The following EPHA3 variants were observed in gnomAD, a reference collection of about 807,000 sequenced individuals.
The protein encoded by EPHA3 is EPH receptor A3, also known as ephrin type-A receptor 3.
A neutral mutation model predicts 107.1 loss-of-function variants in EPHA3; 42 were observed. The ratio of observed to expected loss-of-function variants is 0.39; its 90% confidence interval spans 0.31 to 0.51. The LOEUF (loss-of-function observed/expected upper bound fraction) is 0.51. Among genes scored for constraint, EPHA3 ranks in the 20% least tolerant of loss-of-function variants. EPHA3 has a pLI of 0.78. For synonymous variants in EPHA3, 461 were observed against 424.8 expected (o/e 1.09, Z -1.05); for missense variants, 1,183 against 1,211.2 (o/e 0.98, Z 0.35).
In EPHA3 at chr3:89,396,060, G is replaced by A. The variant is rs1002779887; in HGVS notation, c.1431+99G>A. The stretch of plus-strand genomic sequence containing the variant: ...GAAACCAGTGACATTCCTGGTAAAT[G>A]GTAGAGCACTGTTTAGAACTGTGGC... On this transcript the variant is annotated intron_variant, in intron 6 of 16. Coordinates refer to ENST00000336596, the MANE Select transcript of EPHA3 (RefSeq NM_005233.6). The A allele has an allele frequency of 2.0e-6, 3 of 1,504,748 alleles. No individual in the cohort carries two copies. The African/African-American group carries it at 4.2e-5, about 21-fold the overall frequency. The allele number at this position is 1,504,748 out of a possible 1,614,324, so 93.2% of individuals were successfully genotyped here.
intron 5 of EPHA3, among the ~76,000 whole-genome samples, chr3:89,393,790 T>TA (rs1399975184): frequency 2.1e-4 from 30 of 143,978 alleles, no homozygotes; most frequent in African/African-American, 6.3e-4. Flanking sequence ...AATTTTTTTT[T>TA]AAAAAATCCA....
At chr3:89,127,162 A>G (rs1368096565) in intron 1 of EPHA3, 47 bp from the exon 2 acceptor site, 2 of 1,446,274 alleles carry the variant, frequency 1.4e-6, no homozygotes, top group Non-Finnish European at 9.7e-7. Flanking sequence ...GCAAATAGAA[A>G]TAATTCACTG....
At chr3:89,201,231 T>C (rs998156951) in intron 2 of EPHA3, among the ~76,000 whole-genome samples, 14 of 151,978 alleles carry the variant, frequency 9.2e-5, no homozygotes, top group African/African-American at 3.1e-4. Flanking sequence ...GCAGATCTCA[T>C]GAGAACTCCC....
chr3:89,197,622 G>T lies in EPHA3; in HGVS notation c.154-12238G>T, dbSNP rs577919714. Reference sequence around the variant, plus strand: ...TAAAGTGTGGAATACTATTGGCAAAGATTTTATTCCAGTTTAGAAGGGCAA... The same window carrying T: ...TAAAGTGTGGAATACTATTGGCAAATATTTTATTCCAGTTTAGAAGGGCAA... On this transcript the variant is annotated intron_variant, in intron 2 of 16. Coordinates refer to ENST00000336596, the MANE Select transcript of EPHA3 (RefSeq NM_005233.6). Among the ~76,000 whole-genome samples the T allele has an allele frequency of 3.9e-5, 6 of 152,216 alleles. No individual in the cohort carries two copies. The East Asian group carries it at 5.8e-4, about 15-fold the overall frequency.
At chr3:89,428,690 ATG>A (rs1405356344) in intron 11 of EPHA3, among the ~76,000 whole-genome samples, 1 of 152,148 alleles carries the variant, frequency 6.6e-6, no homozygotes, top group Non-Finnish European at 1.5e-5. Context: ...ACACGTATAT[ATG>A]TGTGTGTGCA....
At chr3:89,159,766 C>T (rs1165895653) in intron 2 of EPHA3, among the ~76,000 whole-genome samples, 1 of 152,008 alleles carries the variant, frequency 6.6e-6, no homozygotes, top group Non-Finnish European at 1.5e-5. Flanking sequence ...TTTATTATTA[C>T]ATTGTAGTAT....
At chr3:89,171,055 G>T (rs3923215) in intron 2 of EPHA3, among the ~76,000 whole-genome samples, 86,692 of 151,448 alleles carry the variant, frequency 0.57, 25,100 homozygotes, top group Admixed American at 0.66. Context: ...CACATTATGG[G>T]CATGCATTTT....
In EPHA3 at chr3:89,210,461, T is replaced by C. The variant is rs1229614068; in HGVS notation, c.755T>C (p.Val252Ala). The C allele has an allele frequency of 6.3e-7, 1 of 1,596,000 alleles. No individual in the cohort carries two copies. The highest frequency in any genetic ancestry group is 2.2e-5 in the East Asian group (1 of 44,804). Residue 252 changes from valine (V) to alanine (A), a missense_variant, in exon 3 of 17, where the codon GTA (valine) becomes GCA (alanine). By Grantham distance (64) the Val-to-Ala change is moderately conservative (BLOSUM62 0). Transcript: ENST00000336596. ...MYCSTEGEWL[V>A]PIGKCSCNAG... ...TGCAGTACAGAAGGCGAATGGCTTGTACCCATTGGCAAGTGTTCCTGCAAT... is the reference window on the plus strand; with the variant it reads ...TGCAGTACAGAAGGCGAATGGCTTGCACCCATTGGCAAGTGTTCCTGCAAT...
intron 13 of EPHA3, among the ~76,000 whole-genome samples, chr3:89,443,418 A>G (rs554243241): frequency 5.9e-5 from 9 of 152,334 alleles, no homozygotes; most frequent in African/African-American, 2.2e-4. Context: ...TAACAACACT[A>G]TTAAATAGTA....
chr3:89,368,957 A>G (rs1708238691), intron 5 of EPHA3, among the ~76,000 whole-genome samples: 1 of 150,726 alleles, frequency 6.6e-6, no homozygotes, highest in African/African-American at 2.4e-5. Context: ...TGAGGCAAGG[A>G]TGTGAAGTAA....
chr3:89,447,221 G>A (rs553710500), intron 13 of EPHA3, among the ~76,000 whole-genome samples: 2 of 152,228 alleles, frequency 1.3e-5, no homozygotes, highest in African/African-American at 4.8e-5. Context: ...TCTTTTCTCT[G>A]GCTCCGGTCT....
chr3:89,458,485 A>C (rs2107563354), intron 15 of EPHA3, among the ~76,000 whole-genome samples: 1 of 152,318 alleles, frequency 6.6e-6, no homozygotes, highest in African/African-American at 2.4e-5. Flanking sequence ...CTGAGGGAAT[A>C]GACTTCCAGT....
At chr3:89,380,851 C>T (rs1196067777) in intron 5 of EPHA3, among the ~76,000 whole-genome samples, 2 of 151,704 alleles carry the variant, frequency 1.3e-5, no homozygotes, top group Non-Finnish European at 2.9e-5. Flanking sequence ...TCACCGCAAC[C>T]TCCGCCTCCT....
At chr3:89,299,368 G>T (rs1182292653) in intron 3 of EPHA3, among the ~76,000 whole-genome samples, 1 of 151,958 alleles carries the variant, frequency 6.6e-6, no homozygotes, top group South Asian at 2.1e-4. Flanking sequence ...ATGCAAGAAT[G>T]AGAATATGGG....
intron 1 of EPHA3, among the ~76,000 whole-genome samples, chr3:89,125,164 T>C (rs1704066151): frequency 6.6e-6 from 1 of 151,872 alleles, no homozygotes; most frequent in Non-Finnish European, 1.5e-5. Context: ...ATAATTATCA[T>C]TTAGTAATGT....
chr3:89,287,077 G>T (rs1706105392), intron 3 of EPHA3, among the ~76,000 whole-genome samples: 1 of 152,100 alleles, frequency 6.6e-6, no homozygotes, highest in Admixed American at 6.6e-5. Flanking sequence ...CTTTTCAAAT[G>T]GATTACTTAA....
intron 15 of EPHA3, among the ~76,000 whole-genome samples, chr3:89,454,178 A>T (rs1710053201): frequency 6.6e-6 from 1 of 152,090 alleles, no homozygotes; most frequent in Admixed American, 6.6e-5. Flanking sequence ...AATTTAGGTG[A>T]TATTGCTTGT....
At chr3:89,412,526 C>T (rs541161585) in intron 9 of EPHA3, among the ~76,000 whole-genome samples, 1 of 151,334 alleles carries the variant, frequency 6.6e-6, no homozygotes, top group East Asian at 2.0e-4. Flanking sequence ...TATATATACA[C>T]ACCAATATAA....
intron 5 of EPHA3, among the ~76,000 whole-genome samples, chr3:89,376,609 A>G (rs1004127245): frequency 2.0e-5 from 3 of 151,944 alleles, no homozygotes; most frequent in African/African-American, 7.2e-5. Flanking sequence ...TGTGATTTTT[A>G]TATTCATATT....
Sources: gnomAD v4.1 joint callset for allele counts (sites outside exome capture counted in the v4.1 genomes callset) on GRCh38, gnomAD v4.1.1 for gene constraint, MANE v1.5 for transcripts, NCBI Gene and HGNC (gene_info 2026-07-23, HGNC 2026-07-21) for gene names.